Variants in FBRSL1 observed in about 807,000 individuals in gnomAD.
FBRSL1 encodes the protein fibrosin like 1, also known as fibrosin-1-like protein.
In FBRSL1, 51 loss-of-function variants were observed where a neutral mutation model predicts 89.6. The ratio of observed to expected loss-of-function variants is 0.57; its 90% CI spans 0.45 to 0.72. The LOEUF is 0.72. FBRSL1 is among the 30% of genes least tolerant of loss of function. The probability of loss-of-function intolerance (pLI) is 0.00; values close to 1 mark genes in which losing one functional copy is unlikely to be tolerated. For missense variants in FBRSL1, 1,618 were observed against 1,451.8 expected (o/e 1.11, Z -1.86); for synonymous variants, 779 against 681.1 (o/e 1.14, Z -2.24).
In FBRSL1 at chr12:132,569,908, G is replaced by A. The variant is rs1403842420; in HGVS notation, c.692-18G>A. Reference sequence around the variant, plus strand: ...ACGAGGCCCTGCTGGTCTGAACGCAGCCACCCTCTCTCTGCAGGCCCAGCG... The same window carrying A: ...ACGAGGCCCTGCTGGTCTGAACGCAACCACCCTCTCTCTGCAGGCCCAGCG... On this transcript the variant is annotated intron_variant, in intron 6 of 18. Coordinates refer to ENST00000680143, the MANE Select transcript of FBRSL1 (RefSeq NM_001367871.1). The A allele has an allele frequency of 2.2e-6, 3 of 1,378,046 alleles. No homozygotes were observed. The highest frequency in any genetic ancestry group is 6.9e-5 in the Admixed American group (2 of 28,960). 85.4% of individuals were successfully genotyped at this position (1,378,046 alleles called of 1,614,324 possible). A position where few individuals can be genotyped will look rare whatever the true frequency, so the allele number is the denominator to read the frequency against.
chr12:132,560,026 G>T, intron 5 of FBRSL1: 1 of 149,608 alleles, frequency 6.7e-6, no homozygotes, highest in South Asian at 1.9e-4. Context: ...CGGGAGCCCA[G>T]AGCGCACCGA....
intron 15 of FBRSL1, chr12:132,581,169 G>A (rs1036203228): frequency 1.3e-4 from 124 of 984,144 alleles, no homozygotes; most frequent in Non-Finnish European, 1.4e-4. Context: ...CCTTTGCTCC[G>A]AGGGTTGCAT....
At chr12:132,542,108 A>T (rs1372092921) in intron 4 of FBRSL1, among the ~76,000 whole-genome samples, 3 of 152,236 alleles carry the variant, frequency 2.0e-5, no homozygotes, top group Non-Finnish European at 2.9e-5. Context: ...GTGGCAGGAC[A>T]CTGAGGGCAG....
intron 4 of FBRSL1, among the ~76,000 whole-genome samples, chr12:132,530,131 G>A (rs896452044): frequency 6.6e-6 from 1 of 151,856 alleles, no homozygotes; most frequent in Non-Finnish European, 1.5e-5. Flanking sequence ...ATCGTCATGA[G>A]TATGATGACG....
intron 9 of FBRSL1, chr12:132,571,523 C>G (rs555033677): frequency 1.3e-6 from 2 of 1,531,352 alleles, no homozygotes; most frequent in Non-Finnish European, 1.8e-6. Context: ...GCACCCCCGC[C>G]GGTGCGTAGG....
At position 132,529,852 on chromosome 12, in the gene FBRSL1, C is replaced by T. The variant is rs971103682; in HGVS notation, c.615+1864C>T. Among the ~76,000 whole-genome samples the T allele has an allele frequency of 1.3e-5, 2 of 152,360 alleles. 1 individual carries two copies. Among genetic ancestry groups the T allele is most frequent in the Admixed American group, 1.3e-4 (2 of 15,308 alleles). ...CTGTTGACCTGGGGTGGCTGGAGCT[C>T]ACTTCTGGGCAGTGGTTCCTGGAGC... On this transcript the variant is annotated intron_variant, in intron 4 of 18. Transcript: ENST00000680143.
intron 15 of FBRSL1, among the ~76,000 whole-genome samples, chr12:132,579,552 CT>C (rs2040608827): frequency 1.3e-5 from 2 of 152,346 alleles, no homozygotes; most frequent in South Asian, 4.1e-4. Flanking sequence ...AGACATTTGT[CT>C]GTCAATTCCT....
intron 15 of FBRSL1, among the ~76,000 whole-genome samples, chr12:132,577,337 G>GCCCA (rs1200288938): frequency 6.6e-6 from 1 of 152,182 alleles, no homozygotes; most frequent in African/African-American, 2.4e-5. Context: ...AGGGACCCAG[G>GCCCA]CCCACGCGAG....
chr12:132,494,967 C>T (rs540771514), intron 1 of FBRSL1, among the ~76,000 whole-genome samples: 6 of 152,234 alleles, frequency 3.9e-5, no homozygotes, highest in Non-Finnish European at 8.8e-5. Flanking sequence ...GGCTACTGAT[C>T]GTGTGCGGCC....
At chr12:132,492,979 T>G (rs2031340097) in intron 1 of FBRSL1, among the ~76,000 whole-genome samples, 1 of 152,222 alleles carries the variant, frequency 6.6e-6, no homozygotes, top group South Asian at 2.1e-4. Flanking sequence ...AAGCATTCTC[T>G]CCATCAGGCA....
intron 4 of FBRSL1, among the ~76,000 whole-genome samples, chr12:132,537,194 G>T (rs2036837857): frequency 6.6e-6 from 1 of 152,318 alleles, no homozygotes; most frequent in African/African-American, 2.4e-5. Flanking sequence ...TCTGCTGTGG[G>T]TGTGAAGCCC....
At chr12:132,502,959 T>G (rs1268548999) in intron 1 of FBRSL1, among the ~76,000 whole-genome samples, 1 of 151,364 alleles carries the variant, frequency 6.6e-6, no homozygotes. Context: ...GCACTGCTGT[T>G]CTCCATGACA....
At chr12:132,524,855 T>G (rs1281540422) in intron 2 of FBRSL1, among the ~76,000 whole-genome samples, 1 of 152,152 alleles carries the variant, frequency 6.6e-6, no homozygotes, top group East Asian at 1.9e-4. Flanking sequence ...GTAAAAAAAG[T>G]AAATACATGC....
chr12:132,537,755 G>A (rs116268730), intron 4 of FBRSL1, among the ~76,000 whole-genome samples: 1,905 of 152,318 alleles, frequency 0.013, 38 homozygotes, highest in African/African-American at 0.042. Context: ...CAGGCAATGC[G>A]GACTTCAGAG....
At chr12:132,536,916 C>T (rs1036976139) in intron 4 of FBRSL1, among the ~76,000 whole-genome samples, 2 of 152,200 alleles carry the variant, frequency 1.3e-5, no homozygotes, top group Admixed American at 6.5e-5. Context: ...GGTGTCTTTG[C>T]ATGCATGTAT....
chr12:132,511,422 G>A, intron 2 of FBRSL1: 1 of 986,004 alleles, frequency 1.0e-6, no homozygotes, highest in Non-Finnish European at 1.2e-6. Flanking sequence ...CCCACCTGTG[G>A]TCAGGTGTTG....
At position 132,583,307 on chromosome 12, in the gene FBRSL1, C is replaced by T. The variant is rs1407462629; in HGVS notation, c.2538C>T (p.Gly846=). The change falls in exon 19 of 19, where the codon GGC becomes GGT. Residue 846 remains glycine, a synonymous_variant. Transcript: ENST00000680143. ...LQLGLGRERL[G]APGFAWEPFR... ...TCGGCCTGGGCCGCGAGCGCCTGGG[C>T]GCGCCGGGCTTCGCGTGGGAGCCTT... 2 of 1,196,740 alleles carry T rather than the reference C, an allele frequency of 1.7e-6. No individual in the cohort carries two copies. The highest frequency in any genetic ancestry group is 2.7e-5 in the South Asian group (1 of 37,510). The allele number at this position is 1,196,740 out of a possible 1,614,324, so 74.1% of individuals were successfully genotyped here. A position where few individuals can be genotyped will look rare whatever the true frequency, so the allele number is the denominator to read the frequency against.
rs1314845136 is a variant in FBRSL1, at chr12:132,499,140, C to T, written c.291+8279C>T. 6.6e-6 allele frequency among the ~76,000 whole-genome samples: 1 copy of T among 152,240 alleles called. No individual in the cohort carries two copies. The highest frequency in any genetic ancestry group is 1.5e-5 in the Non-Finnish European group (1 of 68,034). On this transcript the variant is annotated intron_variant, in intron 1 of 18. Transcript: ENST00000680143. The surrounding 1 kb of genome is among the most constrained non-coding windows in gnomAD (Gnocchi z 4.3). ...CCTCATCCGGCCTCGGCAGCCGCCC[C>T]GCCCATTCCAGATCTCTGCTCTGCC... is the stretch of plus-strand genomic sequence containing the variant.
chr12:132,492,597 C>A (rs571226371), intron 1 of FBRSL1, among the ~76,000 whole-genome samples: 1 of 152,262 alleles, frequency 6.6e-6, no homozygotes, highest in East Asian at 1.9e-4. Flanking sequence ...CCCAGGCCCA[C>A]GTGTTTTGCC....
Sources: gnomAD v4.1 joint callset for allele counts (sites outside exome capture counted in the v4.1 genomes callset) on GRCh38, gnomAD v4.1.1 for gene constraint, Gnocchi (gnomAD v3.1) non-coding constraint, MANE v1.5 for transcripts, NCBI Gene and HGNC (gene_info 2026-07-23, HGNC 2026-07-21) for gene names.